Variants in SNX13 observed in about 807,000 individuals in gnomAD.
The protein encoded by SNX13 is sorting nexin-13.
A neutral mutation model predicts 133.6 loss-of-function variants in SNX13; 45 were observed. The observed-to-expected ratio is 0.34, with a 90% CI of 0.27 to 0.43. The LOEUF is 0.43. Ranked by LOEUF, SNX13 falls within the 20% of genes least tolerant of loss-of-function variation. The probability of loss-of-function intolerance (pLI) is 1.00; values close to 1 mark genes in which losing one functional copy is unlikely to be tolerated. For synonymous variants in SNX13, 414 were observed against 373.9 expected (o/e 1.11, Z -1.24); for missense variants, 1,032 against 1,145.1 (o/e 0.90, Z 1.43).
chr7:17,840,300 A>G (rs1045511371), intron 12 of SNX13, among the ~76,000 whole-genome samples: 8 of 152,054 alleles, frequency 5.3e-5, no homozygotes, highest in South Asian at 2.1e-4. Context: ...TGTTCTCAAT[A>G]AAGATTGTTA....
chr7:17,883,615 C>T (rs1220307916), intron 5 of SNX13, among the ~76,000 whole-genome samples: 2 of 151,920 alleles, frequency 1.3e-5, no homozygotes, highest in Non-Finnish European at 2.9e-5. Context: ...TGAATGTGCA[C>T]GTTTGTTACA....
chr7:17,807,524 G>A (rs991296934), intron 20 of SNX13, among the ~76,000 whole-genome samples: 11 of 152,210 alleles, frequency 7.2e-5, no homozygotes, highest in Admixed American at 2.0e-4. Flanking sequence ...TGAAAGGTGC[G>A]GTTGTGGGCG....
At chr7:17,797,950 C>T (rs577624581) in intron 24 of SNX13, among the ~76,000 whole-genome samples, 17 of 151,880 alleles carry the variant, frequency 1.1e-4, no homozygotes, top group African/African-American at 3.4e-4. Context: ...ATACCTACCT[C>T]GAAAAATGGC....
intron 24 of SNX13, 138 bp downstream of exon 24, chr7:17,798,552 T>C (rs1784296919): frequency 4.9e-6 from 3 of 613,006 alleles, no homozygotes; most frequent in Non-Finnish European, 8.5e-6. Context: ...GTATAATTCT[T>C]AGAAGTCTTT....
chr7:17,794,005 G>C lies in SNX13; in HGVS notation c.*40C>G, dbSNP rs1287438768. 4 of 1,601,912 alleles carry C rather than the reference G, an allele frequency of 2.5e-6. No individual in the cohort carries two copies. Among genetic ancestry groups the C allele is most frequent in the Non-Finnish European group, 3.4e-6 (4 of 1,173,458 alleles). The stretch of plus-strand genomic sequence containing the variant: ...CCCAGAAGATCTGTCCATACCATTA[G>C]TCCTGGACAAAATGAACACCAGCTT... On this transcript the variant is annotated 3_prime_UTR_variant, in exon 26 of 26. Coordinates refer to ENST00000428135, the MANE Select transcript of SNX13 (RefSeq NM_015132.5).
chr7:17,936,823 GAAAAGAAAAAAA>G (rs147244470), intron 1 of SNX13, among the ~76,000 whole-genome samples: 6,432 of 147,126 alleles, frequency 0.044, 417 homozygotes, highest in African/African-American at 0.14. Flanking sequence ...ACTGTTAGGG[GAAAAGAAAAAAA>G]AAAAGAAAAA....
chr7:17,929,867 T>C (rs929102543), intron 1 of SNX13, among the ~76,000 whole-genome samples: 3 of 152,174 alleles, frequency 2.0e-5, no homozygotes, highest in Non-Finnish European at 4.4e-5. Context: ...AGTATTCACT[T>C]TGGAAATGCA....
intron 12 of SNX13, among the ~76,000 whole-genome samples, chr7:17,843,155 T>G (rs1342353580): frequency 6.6e-6 from 1 of 151,870 alleles, no homozygotes; most frequent in Non-Finnish European, 1.5e-5. Flanking sequence ...CAGAATGGAT[T>G]AAAAAAATCA....
In SNX13 at chr7:17,839,825, T is replaced by C. The variant is rs760879174; in HGVS notation, c.1341A>G (p.Glu447=). 2 of 1,609,742 alleles carry C rather than the reference T, an allele frequency of 1.2e-6. No homozygotes were observed. The highest frequency in any genetic ancestry group is 2.2e-5 in the South Asian group (2 of 90,726). ...LLRAAAVGIY[E]QYLSEKASPR... ...GCCTCACCTTTTCTGATAAATACTG[T>C]TCATAAATTCCAACAGCAGCTGCTC... Residue 447 remains glutamate (E), a synonymous_variant, in exon 13 of 26, where the codon GAA becomes GAG. Transcript: ENST00000428135.
At chr7:17,881,892 C>G (rs1227376493) in intron 5 of SNX13, 1 of 152,066 alleles carries the variant, frequency 6.6e-6, no homozygotes, top group Non-Finnish European at 1.5e-5. Flanking sequence ...CTAAATCAAT[C>G]CCCCCTACGT....
rs1796830786 is a variant in SNX13, at chr7:17,893,263, CA to C, written c.228+68del. 4 of 1,054,198 alleles carry C rather than the reference CA, an allele frequency of 3.8e-6. No individual in the cohort carries two copies. The Admixed American group carries it at 8.8e-5, about 23-fold the overall frequency. The allele number at this position is 1,054,198 out of a possible 1,614,324, so 65.3% of individuals were successfully genotyped here. ...ACGAAAATTTGTCACGCTATATATA[CA>C]GATGATTACTCTATTATCATTGCAA... On this transcript the variant is annotated intron_variant, in intron 3 of 25. Transcript: ENST00000428135.
chr7:17,875,870 AAAC>A (rs1303120427), intron 5 of SNX13, 80 bp from the exon 6 acceptor site: 49 of 1,127,940 alleles, frequency 4.3e-5, no homozygotes, highest in African/African-American at 6.3e-5. Context: ...GACTACTGAC[AAAC>A]AACATGATTA....
chr7:17,891,121 A>T (rs1316832220), intron 4 of SNX13, among the ~76,000 whole-genome samples: 3 of 151,956 alleles, frequency 2.0e-5, no homozygotes, highest in African/African-American at 7.2e-5. Flanking sequence ...ATCAATGAAA[A>T]ATATTTCAGG....
At chr7:17,895,791 CTT>C (rs892265727) in intron 2 of SNX13, among the ~76,000 whole-genome samples, 9 of 152,096 alleles carry the variant, frequency 5.9e-5, no homozygotes, top group African/African-American at 2.2e-4. Context: ...TTACTCTTCT[CTT>C]TTTCCTAAAT....
At chr7:17,860,038 G>A (rs891930137) in intron 9 of SNX13, among the ~76,000 whole-genome samples, 3 of 152,044 alleles carry the variant, frequency 2.0e-5, no homozygotes, top group East Asian at 1.9e-4. Context: ...TAGATCATAC[G>A]GTAACAATTT....
At chr7:17,799,233 T>C in intron 22 of SNX13, 79 bp from the exon 23 acceptor site, 1 of 1,193,432 alleles carries the variant, frequency 8.4e-7, no homozygotes, top group Non-Finnish European at 1.1e-6. Flanking sequence ...TTTTACGAAA[T>C]GATTGATATT....
Position 17,940,358 on chromosome 7 carries a change from A to T in SNX13, c.-63T>A, listed in dbSNP as rs1441342711. The T allele has an allele frequency of 1.3e-6, 2 of 1,547,556 alleles. No homozygotes were observed. The highest frequency in any genetic ancestry group is 8.7e-7 in the Non-Finnish European group (1 of 1,143,272). On this transcript the variant is annotated 5_prime_UTR_variant, in exon 1 of 26. Coordinates refer to ENST00000428135, the MANE Select transcript of SNX13 (RefSeq NM_015132.5). ...GCCTCATGGCAACAGCCGTAGCAGC[A>T]GCGAAAACTGCTCGGGCCGCCGCCA...
intron 22 of SNX13, among the ~76,000 whole-genome samples, chr7:17,800,699 CA>C (rs1784518923): frequency 6.6e-6 from 1 of 151,552 alleles, no homozygotes; most frequent in African/African-American, 2.4e-5. Flanking sequence ...TCCTACTAAT[CA>C]AAAGAACTAA....
chr7:17,821,435 G>A (rs1400105305), intron 18 of SNX13, 74 bp downstream of exon 18: 24 of 1,361,120 alleles, frequency 1.8e-5, no homozygotes, highest in Non-Finnish European at 2.4e-5. Flanking sequence ...ACTCTATCTG[G>A]GCATCCTCAG....
Sources: allele counts gnomAD v4.1 joint callset (sites outside exome capture counted in the v4.1 genomes callset), GRCh38; gene constraint gnomAD v4.1.1; transcripts MANE v1.5; gene names NCBI Gene and HGNC (gene_info 2026-07-23, HGNC 2026-07-21).